The following TMEM230 variants were observed in gnomAD, a reference collection of about 807,000 sequenced individuals.
TMEM230 encodes the protein transmembrane protein 230.
Under a neutral mutation model 15.8 loss-of-function variants are expected in TMEM230, and 10 were observed. The ratio of observed to expected loss-of-function variants is 0.63; its 90% CI spans 0.39 to 1.07. The LOEUF (loss-of-function observed/expected upper bound fraction) is 1.07, where lower values mean the gene tolerates loss of function less well. Among genes scored for constraint, TMEM230 ranks in the 50% least tolerant of loss-of-function variants. TMEM230 has a pLI of 0.01. For synonymous variants in TMEM230, 67 were observed against 76.9 expected (o/e 0.87, Z 0.68); for missense variants, 165 against 193.3 (o/e 0.85, Z 0.87).
intron 3 of TMEM230, among the ~76,000 whole-genome samples, chr20:5,069,541 G>C (rs2088756990): frequency 6.6e-6 from 1 of 152,180 alleles, no homozygotes; most frequent in African/African-American, 2.4e-5. Flanking sequence ...CACTCAGTGA[G>C]TGACCAAGGG....
downstream of TMEM230, among the ~76,000 whole-genome samples, chr20:5,066,593 A>AC (rs2088656382): frequency 1.4e-5 from 2 of 147,874 alleles, no homozygotes; most frequent in African/African-American, 5.1e-5. Flanking sequence ...AATAGCTTGA[A>AC]CCCGGGGGGC....
intron 3 of TMEM230, among the ~76,000 whole-genome samples, chr20:5,070,312 C>T (rs6038055): frequency 1.1e-3 from 174 of 152,256 alleles, no homozygotes; most frequent in African/African-American, 3.8e-3. Flanking sequence ...TTGAGTCTTG[C>T]GCTAACTGTA....
downstream of TMEM230, among the ~76,000 whole-genome samples, chr20:5,099,232 A>AATC (rs1568496420): frequency 9.1e-4 from 72 of 78,998 alleles, no homozygotes; most frequent in Non-Finnish European, 8.9e-4. Flanking sequence ...ATAAATAAAT[A>AATC]AATCAATCAA....
At chr20:5,099,231 TA>T (rs2089758805), downstream of TMEM230, among the ~76,000 whole-genome samples, 3 of 76,852 alleles carry the variant, frequency 3.9e-5, no homozygotes, top group East Asian at 5.9e-4. Flanking sequence ...AATAAATAAA[TA>T]AATCAATCAA....
At chr20:5,059,792 T>G in the TMEM230 span, among the ~76,000 whole-genome samples, 1 of 68,626 alleles carries the variant, frequency 1.5e-5, no homozygotes. Context: ...TTTTTTTTTT[T>G]TGAGACAGAG....
chr20:5,099,232 AAATCAATC>A (rs145559832), downstream of TMEM230, among the ~76,000 whole-genome samples: 2,998 of 78,988 alleles, frequency 0.038, 114 homozygotes, highest in African/African-American at 0.19. Context: ...ATAAATAAAT[AAATCAATC>A]AATCAATAAT....
chr20:5,094,803 G>C (rs1162679251), intron 3 of TMEM230, among the ~76,000 whole-genome samples: 1 of 151,004 alleles, frequency 6.6e-6, no homozygotes, highest in Admixed American at 6.6e-5. Flanking sequence ...CTCCTAAGTA[G>C]TTAGGACTAC....
chr20:5,064,774 G>A (rs905415261), downstream of TMEM230, among the ~76,000 whole-genome samples: 4 of 151,922 alleles, frequency 2.6e-5, no homozygotes, highest in African/African-American at 9.7e-5. Context: ...ATAATAAAAT[G>A]GACATTTTTG....
intron 3 of TMEM230, among the ~76,000 whole-genome samples, chr20:5,071,976 C>T (rs991312380): frequency 1.3e-5 from 2 of 152,118 alleles, no homozygotes; most frequent in African/African-American, 2.4e-5. Flanking sequence ...GTCTTGAATG[C>T]CTGGCCTCAA....
exon 4 of TMEM230, chr20:5,069,331 G>C (rs907868028): frequency 1.3e-6 from 2 of 1,534,636 alleles, no homozygotes; most frequent in East Asian, 4.9e-5. Flanking sequence ...TTTTGTTCCC[G>C]TGAGGTGGAT....
intron 3 of TMEM230, among the ~76,000 whole-genome samples, chr20:5,080,509 C>T (rs931421509): frequency 7.9e-5 from 12 of 152,206 alleles, no homozygotes; most frequent in African/African-American, 2.4e-4. Flanking sequence ...AGGAATGACA[C>T]AGCAGAATGT....
chr20:5,098,194 C>T (rs118095816), downstream of TMEM230, among the ~76,000 whole-genome samples: 386 of 151,664 alleles, frequency 2.5e-3, 19 homozygotes, highest in East Asian at 0.07. Flanking sequence ...TCAGGACGGT[C>T]AAACTCCCAA....
intron 4 of TMEM230, 84 bp downstream of exon 3, chr20:5,106,099 ACACAC>A: frequency 6.7e-7 from 1 of 1,496,766 alleles, no homozygotes; most frequent in Non-Finnish European, 9.0e-7. Flanking sequence ...ACACACACAC[ACACAC>A]ACACACACAC....
At chr20:5,060,893 T>C in the TMEM230 span, 1 of 152,188 alleles carries the variant, frequency 6.6e-6, no homozygotes, top group African/African-American at 2.4e-5. Context: ...TCTTCAGTTT[T>C]ACTGATAATA....
At chr20:5,087,081 C>T (rs1037396005) in intron 3 of TMEM230, among the ~76,000 whole-genome samples, 1 of 152,034 alleles carries the variant, frequency 6.6e-6, no homozygotes, top group Admixed American at 6.6e-5. Flanking sequence ...GCTATTTTGC[C>T]CAGGCTGGTC....
chr20:5,077,277 C>T (rs1295147962), intron 3 of TMEM230, among the ~76,000 whole-genome samples: 2 of 151,964 alleles, frequency 1.3e-5, no homozygotes, highest in Non-Finnish European at 2.9e-5. Flanking sequence ...CACTGCACTC[C>T]AGCCTAGGCA....
chr20:5,069,299 T>C (rs1192989088), exon 4 of TMEM230: 19 of 1,535,994 alleles, frequency 1.2e-5, no homozygotes, highest in African/African-American at 2.7e-5. Context: ...GGGATGCTGG[T>C]AGATGTTTGT....
intron 3 of TMEM230, among the ~76,000 whole-genome samples, chr20:5,084,226 ATT>A (rs71332870): frequency 2.8e-5 from 4 of 142,434 alleles, no homozygotes; most frequent in East Asian, 2.0e-4. Context: ...TTCTATTTTA[ATT>A]TTTTTTTTTT....
the TMEM230 span, chr20:5,061,304 C>T: frequency 6.6e-6 from 1 of 152,200 alleles, no homozygotes; most frequent in Admixed American, 6.6e-5. Context: ...CCACTGAGTG[C>T]AGATGTAGCC....
Sources: gnomAD v4.1 joint callset for allele counts (sites outside exome capture counted in the v4.1 genomes callset) on GRCh38, gnomAD v4.1.1 for gene constraint, MANE v1.5 for transcripts, NCBI Gene and HGNC (gene_info 2026-07-23, HGNC 2026-07-21) for gene names.